Variants in IL1RAPL2 observed in about 807,000 individuals in gnomAD.
The protein encoded by IL1RAPL2 is interleukin 1 receptor accessory protein like 2.
IL1RAPL2 carries 3 observed loss-of-function variants against 44.1 expected under a neutral mutation model. The observed-to-expected ratio is 0.07, with a 90% CI of 0.03 to 0.18. IL1RAPL2 has a LOEUF of 0.18. IL1RAPL2 is among the 10% of genes least tolerant of loss of function. The probability of loss-of-function intolerance (pLI) is 1.00; values close to 1 mark genes in which losing one functional copy is unlikely to be tolerated. For synonymous variants in IL1RAPL2, 181 were observed against 178.8 expected, an observed-to-expected ratio of 1.01 and a Z score of -0.10; for missense variants, 391 against 496.4, an observed-to-expected ratio of 0.79 and a Z score of 2.02.
intron 7 of IL1RAPL2, among the ~76,000 whole-genome samples, chrX:105,728,242 T>A (rs2038369095): frequency 8.9e-6 from 1 of 111,943 alleles, no homozygotes; most frequent in Non-Finnish European, 1.9e-5. Flanking sequence ...CTCCGAAATG[T>A]TGCCTTCTCC....
intron 1 of IL1RAPL2, among the ~76,000 whole-genome samples, chrX:104,654,689 G>T (rs1425294733): frequency 9.0e-6 from 1 of 111,284 alleles, no homozygotes; most frequent in Non-Finnish European, 1.9e-5. Context: ...TTTTAAAGTA[G>T]TTTTTTCCAA....
intron 3 of IL1RAPL2, among the ~76,000 whole-genome samples, chrX:105,213,111 C>G (rs1284674035): frequency 9.0e-6 from 1 of 110,662 alleles, no homozygotes; most frequent in Non-Finnish European, 1.9e-5. Context: ...GGGCACAAAA[C>G]TGGATGGAGA....
rs1361420074 is a variant in IL1RAPL2, at chrX:104,683,008, A to G, written c.82+24013A>G. ...GCACTGTATAGAATCGTTTGGCCTG[A>G]CATTGCTTCTGAAAGGAGCTAACCA... is the stretch of plus-strand genomic sequence containing the variant. On this transcript the variant is annotated intron_variant, in intron 2 of 10. Transcript: ENST00000372582. Among the ~76,000 whole-genome samples, 7 of 111,877 alleles carry G rather than the reference A, an allele frequency of 6.3e-5. No individual in the cohort carries two copies. The East Asian group carries it at 2.0e-3, about 32-fold the overall frequency.
chrX:104,904,687 CAA>C (rs909593718), intron 2 of IL1RAPL2, among the ~76,000 whole-genome samples: 1 of 109,962 alleles, frequency 9.1e-6, no homozygotes, highest in Non-Finnish European at 1.9e-5. Context: ...CACATTTTCT[CAA>C]TCCAGTCTAT....
intron 6 of IL1RAPL2, 50 bp from the exon 7 acceptor site, chrX:105,717,317 C>G (rs1309747006): frequency 9.2e-7 from 1 of 1,082,130 alleles, no homozygotes; most frequent in African/African-American, 1.9e-5. Context: ...TTCCTGTCTC[C>G]CACTGATAAT....
At chrX:104,620,178 A>T (rs766946513) in intron 1 of IL1RAPL2, among the ~76,000 whole-genome samples, 1 of 111,026 alleles carries the variant, frequency 9.0e-6, no homozygotes, top group African/African-American at 3.3e-5. Context: ...TAAGAACAGA[A>T]AATGACCGGT....
intron 5 of IL1RAPL2, chrX:105,407,011 C>T (rs1372167294): frequency 3.8e-6 from 4 of 1,047,233 alleles, no homozygotes. Flanking sequence ...TGAAGAGATG[C>T]TGACACCACT....
intron 2 of IL1RAPL2, among the ~76,000 whole-genome samples, chrX:104,682,008 T>G (rs1191809608): frequency 1.8e-5 from 2 of 112,666 alleles, no homozygotes; most frequent in African/African-American, 6.4e-5. Context: ...ATTTCAATTT[T>G]GTTGTCATTA....
intron 2 of IL1RAPL2, among the ~76,000 whole-genome samples, chrX:104,826,419 G>T (rs1331737032): frequency 1.8e-5 from 2 of 111,757 alleles, no homozygotes; most frequent in Non-Finnish European, 1.9e-5. Flanking sequence ...CTAGTTGTGT[G>T]GTGTTGAGTG....
chrX:105,433,148 C>T (rs2035859362), intron 5 of IL1RAPL2, among the ~76,000 whole-genome samples: 1 of 110,730 alleles, frequency 9.0e-6, no homozygotes, highest in African/African-American at 3.3e-5. Context: ...AAGAAATTGA[C>T]ACACATGGCT....
intron 5 of IL1RAPL2, among the ~76,000 whole-genome samples, chrX:105,295,096 G>A (rs887676254): frequency 8.9e-6 from 1 of 111,876 alleles, no homozygotes; most frequent in Non-Finnish European, 1.9e-5. Flanking sequence ...AAGAACAAGT[G>A]TGTTAAGGAG....
intron 5 of IL1RAPL2, among the ~76,000 whole-genome samples, chrX:105,278,957 C>T (rs2034507148): frequency 9.0e-6 from 1 of 111,539 alleles, no homozygotes; most frequent in Non-Finnish European, 1.9e-5. Flanking sequence ...CTCGTGAAGC[C>T]ATCACAGACT....
intron 2 of IL1RAPL2, among the ~76,000 whole-genome samples, chrX:105,168,653 G>A (rs766464590): frequency 8.1e-5 from 9 of 110,581 alleles, no homozygotes; most frequent in African/African-American, 2.3e-4. Flanking sequence ...CAGAGGAAGA[G>A]CCAATGTTTC....
chrX:105,148,195 T>A (rs1246497604), intron 2 of IL1RAPL2, among the ~76,000 whole-genome samples: 1 of 110,255 alleles, frequency 9.1e-6, no homozygotes, highest in Admixed American at 9.7e-5. Flanking sequence ...TAGGAAGCTA[T>A]TTTTTTTTCT....
chrX:104,779,561 A>G (rs1214737260), intron 2 of IL1RAPL2, among the ~76,000 whole-genome samples: 2 of 112,320 alleles, frequency 1.8e-5, no homozygotes, highest in Non-Finnish European at 3.8e-5. Context: ...TGGAATGTCT[A>G]GAATAATGAA....
chrX:105,078,688 G>A lies in IL1RAPL2; in HGVS notation c.83-116787G>A, dbSNP rs748267018. Among the ~76,000 whole-genome samples, 542 of 108,743 alleles carry A rather than the reference G, an allele frequency of 5.0e-3. 3 individuals are homozygous for A. The highest frequency in any genetic ancestry group is 0.017 in the African/African-American group (519 of 29,898). The allele number at this position is 108,743 out of a possible 115,157, so 94.4% of individuals were successfully genotyped here. A position where few individuals can be genotyped will look rare whatever the true frequency, so the allele number is the denominator to read the frequency against. On this transcript the variant is annotated intron_variant, in intron 2 of 10. Coordinates refer to ENST00000372582, the MANE Select transcript of IL1RAPL2 (RefSeq NM_017416.2). ...AGCTGTGGTGGGCTCCACCCAGTTC[G>A]AGCTTCCTGGCCGCTTTGTTTACCT... is the stretch of plus-strand genomic sequence containing the variant.
At chrX:104,775,426 G>A (rs1463102899) in intron 2 of IL1RAPL2, among the ~76,000 whole-genome samples, 1 of 112,165 alleles carries the variant, frequency 8.9e-6, no homozygotes, top group African/African-American at 3.2e-5. Context: ...GCAGACTATA[G>A]ATGTGCCTAC....
chrX:105,075,958 G>T (rs76967826), intron 2 of IL1RAPL2, among the ~76,000 whole-genome samples: 2 of 111,088 alleles, frequency 1.8e-5, no homozygotes, highest in Non-Finnish European at 3.8e-5. Context: ...TCTTGCTAGC[G>T]GTCAATCAAT....
At chrX:104,884,642 C>G (rs929216394) in intron 2 of IL1RAPL2, among the ~76,000 whole-genome samples, 8 of 111,267 alleles carry the variant, frequency 7.2e-5, no homozygotes, top group African/African-American at 2.0e-4. Flanking sequence ...AAATGGCCAC[C>G]TAAGGGAAGT....
Sources: gnomAD v4.1 joint callset for allele counts (sites outside exome capture counted in the v4.1 genomes callset) on GRCh38, gnomAD v4.1.1 for gene constraint, MANE v1.5 for transcripts, NCBI Gene and HGNC (gene_info 2026-07-23, HGNC 2026-07-21) for gene names.